GSTCD: variants seen among roughly 807,000 people sequenced by gnomAD.
GSTCD encodes glutathione S-transferase C-terminal domain containing, also known as glutathione S-transferase C-terminal domain-containing protein.
Under a neutral mutation model 68.3 loss-of-function variants are expected in GSTCD, and 44 were observed. The ratio of observed to expected loss-of-function variants is 0.64; its 90% confidence interval spans 0.51 to 0.83. The LOEUF is 0.83. Ranked by LOEUF, GSTCD falls within the 40% of genes least tolerant of loss-of-function variation. The pLI is 0.00. For synonymous variants in GSTCD, 273 were observed against 255.2 expected (o/e 1.07, Z -0.67); for missense variants, 739 against 735.9 (o/e 1.00, Z -0.05).
rs192733963 is a variant in GSTCD at position 105,786,707 on chromosome 4, G to A, written c.1241-36247G>A. On this transcript the variant is annotated intron_variant, in intron 5 of 11. Transcript: ENST00000515279. Reference sequence around the variant, plus strand: ...TCTGAGTAGACATTTCTTCAAATAAGAGATATGGGTAAATACTAAGCACAT... The same window carrying A: ...TCTGAGTAGACATTTCTTCAAATAAAAGATATGGGTAAATACTAAGCACAT... Among the ~76,000 whole-genome samples, 397 of 152,212 alleles carry A rather than the reference G, an allele frequency of 2.6e-3. 2 individuals carry two copies. Among genetic ancestry groups the A allele is most frequent in the Admixed American group, 0.024 (366 of 15,306 alleles).
intron 8 of GSTCD, among the ~76,000 whole-genome samples, chr4:105,828,108 A>G (rs1324125827): frequency 2.0e-5 from 3 of 152,184 alleles, no homozygotes; most frequent in Non-Finnish European, 4.4e-5. Context: ...CAACCAGATG[A>G]TAAGGTACTG....
chr4:105,743,653 CTTTTTTTTTTTTTT>C (rs777714268), intron 5 of GSTCD, among the ~76,000 whole-genome samples: 2 of 88,850 alleles, frequency 2.3e-5, no homozygotes, highest in East Asian at 3.0e-4. Context: ...ACAGGACATT[CTTTTTTTTTTTTTT>C]TTTTTTTTTT....
intron 5 of GSTCD, among the ~76,000 whole-genome samples, chr4:105,743,964 A>G (rs1297005372): frequency 6.6e-6 from 1 of 152,138 alleles, no homozygotes; most frequent in Non-Finnish European, 1.5e-5. Flanking sequence ...TCGCCAAAAC[A>G]GGACATTCTT....
intron 5 of GSTCD, 150 bp downstream of exon 5, chr4:105,729,649 A>G: frequency 2.3e-6 from 1 of 442,118 alleles, no homozygotes; most frequent in Non-Finnish European, 4.0e-6. Flanking sequence ...TATGAAAATT[A>G]TATATACACA....
intron 5 of GSTCD, chr4:105,761,493 C>T (rs1734409827): frequency 6.6e-6 from 1 of 152,040 alleles, no homozygotes; most frequent in South Asian, 2.1e-4. Flanking sequence ...CTTGAGAAGG[C>T]TGTGACTCAG....
chr4:105,758,573 G>C (rs949700612), intron 5 of GSTCD, among the ~76,000 whole-genome samples: 1 of 152,172 alleles, frequency 6.6e-6, no homozygotes, highest in Non-Finnish European at 1.5e-5. Flanking sequence ...AGAGGCAGAT[G>C]CTGCTGTGCT....
At chr4:105,761,750 CTT>C (rs770404162) in intron 5 of GSTCD, 1 of 152,130 alleles carries the variant, frequency 6.6e-6, no homozygotes, top group Non-Finnish European at 1.5e-5. Context: ...TGGAAAGAAA[CTT>C]AACAAAAAAC....
chr4:105,809,846 T>C (rs931258467), intron 5 of GSTCD, among the ~76,000 whole-genome samples: 5 of 152,004 alleles, frequency 3.3e-5, no homozygotes, highest in Non-Finnish European at 7.4e-5. Flanking sequence ...CAAAGTATAC[T>C]GCAGTGAGAA....
chr4:105,776,266 T>G (rs1199448767), intron 5 of GSTCD, among the ~76,000 whole-genome samples: 1 of 152,144 alleles, frequency 6.6e-6, no homozygotes, highest in Non-Finnish European at 1.5e-5. Context: ...GATCTTAGCT[T>G]GCTGGGCTCT....
At chr4:105,830,113 G>A (rs1361880657) in intron 8 of GSTCD, among the ~76,000 whole-genome samples, 2 of 152,108 alleles carry the variant, frequency 1.3e-5, no homozygotes, top group Non-Finnish European at 2.9e-5. Flanking sequence ...AGAAAATACA[G>A]GAAAATGTGT....
chr4:105,784,206 C>G (rs11733225), intron 5 of GSTCD, among the ~76,000 whole-genome samples: 6,779 of 152,218 alleles, frequency 0.045, 209 homozygotes, highest in Middle Eastern at 0.13. Context: ...GTTGCTGTAA[C>G]AGAATATCAT....
Position 105,797,223 on chromosome 4 carries a change from A to AT in GSTCD, c.1241-25722dup, listed in dbSNP as rs543589817. Among the ~76,000 whole-genome samples the AT allele has an allele frequency of 3.3e-3, 498 of 150,568 alleles. 3 individuals are homozygous for AT. The highest frequency in any genetic ancestry group is 2.8e-3 in the Non-Finnish European group (187 of 67,520). Reference sequence around the variant, plus strand: ...CCACTACCTCAACTTTTTTCTTGTTATTTTTTTTTCTCCTGTCCTATTTTT... The same window carrying AT: ...CCACTACCTCAACTTTTTTCTTGTTATTTTTTTTTTCTCCTGTCCTATTTTT... On this transcript the variant is annotated intron_variant, in intron 5 of 11. Coordinates refer to ENST00000515279, the MANE Select transcript of GSTCD (RefSeq NM_001370181.1).
rs1341631274 is a variant in GSTCD, at chr4:105,824,813, G to T, written c.1402-859G>T. 2.6e-5 allele frequency among the ~76,000 whole-genome samples: 4 copies of T among 151,966 alleles called. 1 individual carries two copies. Among genetic ancestry groups the T allele is most frequent in the African/African-American group, 9.7e-5 (4 of 41,374 alleles). ...CACTACTATCACCATGACACACATT[G>T]TGCCCTGGAAATTGCGTACCAATTT... On this transcript the variant is annotated intron_variant, in intron 7 of 11. Coordinates refer to ENST00000515279, the MANE Select transcript of GSTCD (RefSeq NM_001370181.1).
intron 5 of GSTCD, among the ~76,000 whole-genome samples, chr4:105,739,907 G>C (rs1733579273): frequency 6.6e-6 from 1 of 152,168 alleles, no homozygotes; most frequent in African/African-American, 2.4e-5. Context: ...GAATGAGTGT[G>C]TAGCTTCAGC....
chr4:105,806,196 T>C (rs776869023), intron 5 of GSTCD, among the ~76,000 whole-genome samples: 1 of 152,096 alleles, frequency 6.6e-6, no homozygotes, highest in African/African-American at 2.4e-5. Context: ...TGCAGTCTTA[T>C]TGAAAATCCC....
At chr4:105,793,593 TACCCTACC>T (rs1735759652) in intron 5 of GSTCD, among the ~76,000 whole-genome samples, 1 of 151,998 alleles carries the variant, frequency 6.6e-6, no homozygotes, top group African/African-American at 2.4e-5. Context: ...ATTTCATATT[TACCCTACC>T]ACCCTACCTA....
intron 5 of GSTCD, among the ~76,000 whole-genome samples, chr4:105,751,648 C>CCTGG (rs1437279703): frequency 6.6e-6 from 1 of 152,040 alleles, no homozygotes; most frequent in Non-Finnish European, 1.5e-5. Flanking sequence ...AATAATTAAG[C>CCTGG]CTGGCTGATA....
At chr4:105,844,348 C>T (rs1190544532) in intron 11 of GSTCD, among the ~76,000 whole-genome samples, 1 of 152,154 alleles carries the variant, frequency 6.6e-6, no homozygotes, top group African/African-American at 2.4e-5. Context: ...CTGGACATCT[C>T]TTTTTATATC....
intron 5 of GSTCD, among the ~76,000 whole-genome samples, chr4:105,819,583 T>C (rs1051996909): frequency 2.6e-5 from 4 of 151,808 alleles, no homozygotes; most frequent in Admixed American, 2.6e-4. Context: ...ACCTCGGCTT[T>C]GCTGTTGATT....
Sources: gnomAD v4.1 joint callset for allele counts (sites outside exome capture counted in the v4.1 genomes callset) on GRCh38, gnomAD v4.1.1 for gene constraint, MANE v1.5 for transcripts, NCBI Gene and HGNC (gene_info 2026-07-23, HGNC 2026-07-21) for gene names.